Variants in GTF2F2 observed in about 807,000 individuals in gnomAD.
The protein encoded by GTF2F2 is general transcription factor IIF subunit 2.
A neutral mutation model predicts 42.2 loss-of-function variants in GTF2F2; 23 were observed. The ratio of observed to expected loss-of-function variants is 0.55; its 90% confidence interval spans 0.39 to 0.77. The LOEUF is 0.77. Ranked by LOEUF, GTF2F2 falls within the 30% of genes least tolerant of loss-of-function variation. GTF2F2 has a pLI of 0.00. For synonymous variants in GTF2F2, 105 were observed against 100.8 expected, an observed-to-expected ratio of 1.04 and a Z score of -0.25; for missense variants, 261 against 287.2, an observed-to-expected ratio of 0.91 and a Z score of 0.66.
chr13:45,228,474 T>C (rs1454439715), intron 5 of GTF2F2, among the ~76,000 whole-genome samples: 2 of 149,874 alleles, frequency 1.3e-5, no homozygotes, highest in African/African-American at 5.0e-5. Context: ...TACCTGACGC[T>C]GGGCCAGACT....
At chr13:45,242,622 A>C (rs1211784530) in intron 5 of GTF2F2, among the ~76,000 whole-genome samples, 2 of 152,224 alleles carry the variant, frequency 1.3e-5, no homozygotes, top group East Asian at 3.8e-4. Context: ...CATTGATAAC[A>C]AGATTAGCAA....
intron 5 of GTF2F2, among the ~76,000 whole-genome samples, chr13:45,223,515 T>C (rs992324183): frequency 1.3e-5 from 2 of 152,186 alleles, no homozygotes; most frequent in African/African-American, 4.8e-5. Flanking sequence ...CATAATTATA[T>C]TGAATGCCAT....
chr13:45,276,788 C>G (rs1877054908), intron 7 of GTF2F2, among the ~76,000 whole-genome samples: 1 of 152,112 alleles, frequency 6.6e-6, no homozygotes, highest in African/African-American at 2.4e-5. Flanking sequence ...AAGGTTTAGC[C>G]TAAAGAAAGT....
chr13:45,208,465 G>A (rs7328734), intron 5 of GTF2F2, among the ~76,000 whole-genome samples: 15,882 of 152,094 alleles, frequency 0.1, 2,227 homozygotes, highest in African/African-American at 0.32. Flanking sequence ...CATTCATTCA[G>A]TACTTACTGT....
At chr13:45,172,317 G>A (rs895452378) in intron 4 of GTF2F2, among the ~76,000 whole-genome samples, 1 of 152,118 alleles carries the variant, frequency 6.6e-6, no homozygotes, top group South Asian at 2.1e-4. Context: ...CTTTTCATGT[G>A]CTTGTTAGCC....
intron 6 of GTF2F2, among the ~76,000 whole-genome samples, chr13:45,253,887 AAC>A (rs748226060): frequency 1.3e-5 from 2 of 152,182 alleles, no homozygotes; most frequent in Non-Finnish European, 2.9e-5. Context: ...CATCCTGGCT[AAC>A]ACAGTGAACC....
At position 45,229,298 on chromosome 13, in the gene GTF2F2, C is replaced by G. The variant is rs1178204971; in HGVS notation, c.386+21793C>G. 2.6e-5 allele frequency among the ~76,000 whole-genome samples: 4 copies of G among 151,722 alleles called. No homozygotes were observed. The East Asian group carries it at 5.8e-4, about 22-fold the overall frequency. On this transcript the variant is annotated intron_variant, in intron 5 of 7. Transcript: ENST00000340473. ...TTACCACCCTTTTTTTTGCCCCTTACTTCCCCCCACCTCCCACCACCGCCT... is the reference window on the plus strand; with the variant it reads ...TTACCACCCTTTTTTTTGCCCCTTAGTTCCCCCCACCTCCCACCACCGCCT...
intron 4 of GTF2F2, among the ~76,000 whole-genome samples, chr13:45,154,192 G>T (rs926284335): frequency 6.6e-6 from 1 of 151,618 alleles, no homozygotes; most frequent in Admixed American, 6.6e-5. Context: ...ACTTTTTTTT[G>T]TAGAAAAAAG....
At chr13:45,190,620 TTTAA>T (rs1872577969) in intron 4 of GTF2F2, among the ~76,000 whole-genome samples, 1 of 152,184 alleles carries the variant, frequency 6.6e-6, no homozygotes, top group South Asian at 2.1e-4. Context: ...TTGTTTGAGG[TTTAA>T]TTGAGAGAAT....
intron 4 of GTF2F2, among the ~76,000 whole-genome samples, chr13:45,205,770 G>A (rs967321194): frequency 2.0e-5 from 3 of 152,040 alleles, no homozygotes; most frequent in Non-Finnish European, 4.4e-5. Flanking sequence ...TGCCTGCCTC[G>A]GCCTCCCAAA....
intron 5 of GTF2F2, among the ~76,000 whole-genome samples, chr13:45,211,454 A>G (rs1234860419): frequency 6.6e-6 from 1 of 150,988 alleles, no homozygotes; most frequent in Non-Finnish European, 1.5e-5. Flanking sequence ...TTATTTTTAG[A>G]GACAGGATCT....
chr13:45,153,435 T>C (rs1192882777), intron 4 of GTF2F2, among the ~76,000 whole-genome samples: 2 of 152,186 alleles, frequency 1.3e-5, no homozygotes, highest in Non-Finnish European at 2.9e-5. Flanking sequence ...TCTTCAGTTA[T>C]GTAGTTGAAG....
intron 2 of GTF2F2, 37 bp from the exon 3 acceptor site, chr13:45,149,733 C>A: frequency 6.8e-7 from 1 of 1,473,152 alleles, no homozygotes; most frequent in East Asian, 2.5e-5. Context: ...AACATGAAAT[C>A]TAAATTATTT....
intron 2 of GTF2F2, among the ~76,000 whole-genome samples, chr13:45,148,654 T>C (rs7139975): frequency 0.36 from 54,456 of 152,032 alleles, 13,539 homozygotes; most frequent in African/African-American, 0.71. Flanking sequence ...AAATTTATCT[T>C]ATTTTATAGT....
At chr13:45,268,326 C>T (rs978711157) in intron 7 of GTF2F2, among the ~76,000 whole-genome samples, 1 of 152,004 alleles carries the variant, frequency 6.6e-6, no homozygotes, top group African/African-American at 2.4e-5. Flanking sequence ...AACCAAATAA[C>T]CTATTTGTGA....
intron 4 of GTF2F2, among the ~76,000 whole-genome samples, chr13:45,197,808 G>A (rs746073488): frequency 6.6e-6 from 1 of 152,190 alleles, no homozygotes; most frequent in Admixed American, 6.5e-5. Context: ...TATACCAAGG[G>A]AGACATCCCT....
intron 5 of GTF2F2, among the ~76,000 whole-genome samples, chr13:45,215,617 C>A (rs147724182): frequency 0.011 from 1,625 of 152,028 alleles, 99 homozygotes; most frequent in Admixed American, 0.093. Context: ...TAAAATTAGC[C>A]ACATGTAGTG....
chr13:45,177,648 T>G (rs2138152061), intron 4 of GTF2F2, among the ~76,000 whole-genome samples: 1 of 152,088 alleles, frequency 6.6e-6, no homozygotes, highest in South Asian at 2.1e-4. Flanking sequence ...AGTATGAGAG[T>G]AGTGATGCTG....
rs1182562712 is a variant in GTF2F2, at chr13:45,284,863, A to AC, written c.*1303dup. The AC allele has an allele frequency of 6.6e-6, 1 of 152,216 alleles. No homozygotes were observed. Among genetic ancestry groups the AC allele is most frequent in the Non-Finnish European group, 1.5e-5 (1 of 68,040 alleles). 9.4% of individuals were successfully genotyped at this position (152,216 alleles called of 1,614,324 possible). A position where few individuals can be genotyped will look rare whatever the true frequency, so the allele number is the denominator to read the frequency against. ...CTAAGAAGATTTTTATTCTGTGTAC[A>AC]CACTGAAAAATAAAATTCTGAGTAA... On this transcript the variant is annotated 3_prime_UTR_variant, in exon 8 of 8. Transcript: ENST00000340473.
Sources: allele counts gnomAD v4.1 joint callset (sites outside exome capture counted in the v4.1 genomes callset), GRCh38; gene constraint gnomAD v4.1.1; transcripts MANE v1.5; gene names NCBI Gene and HGNC (gene_info 2026-07-23, HGNC 2026-07-21).